LMBRD1: variants seen among roughly 807,000 people sequenced by gnomAD.
LMBRD1 encodes LMBR1 domain containing 1, also known as lysosomal cobalamin transport escort protein LMBD1.
In LMBRD1, 64 loss-of-function variants were observed where a neutral mutation model predicts 74.8. The ratio of observed to expected loss-of-function variants is 0.86; its 90% CI spans 0.70 to 1.05. The LOEUF is 1.05. Among genes scored for constraint, LMBRD1 ranks in the 50% least tolerant of loss-of-function variants. The pLI is 0.00. For missense variants in LMBRD1, 652 were observed against 645.9 expected (o/e 1.01, Z -0.10); for synonymous variants, 204 against 216.3 (o/e 0.94, Z 0.50).
intron 7 of LMBRD1, among the ~76,000 whole-genome samples, chr6:69,720,099 A>G (rs2061310): frequency 0.48 from 73,032 of 152,064 alleles, 18,223 homozygotes; most frequent in African/African-American, 0.61. Flanking sequence ...TCTTCACTAA[A>G]TCTCTTTTAT....
chr6:69,737,568 CTTATA>C (rs939480975), intron 7 of LMBRD1, among the ~76,000 whole-genome samples: 6 of 150,100 alleles, frequency 4.0e-5, no homozygotes, highest in Admixed American at 1.3e-4. Context: ...TATTAATATG[CTTATA>C]TTATATATTA....
chr6:69,789,587 A>G (rs1766035207), intron 2 of LMBRD1, among the ~76,000 whole-genome samples: 1 of 151,752 alleles, frequency 6.6e-6, no homozygotes. Context: ...TATTTACCTA[A>G]TTTAGCCCAA....
intron 8 of LMBRD1, among the ~76,000 whole-genome samples, chr6:69,717,121 T>C (rs1380058838): frequency 6.6e-6 from 1 of 152,050 alleles, no homozygotes; most frequent in Non-Finnish European, 1.5e-5. Context: ...TTGTGGCTAT[T>C]GTGAATGGGA....
rs148471719 is a variant in LMBRD1 at position 69,778,356 on chromosome 6, T to C, written c.307+2138A>G. ...TAAGGGCACATTATCCTTGAGTGGA[T>C]TGAGGACACACCATCTTTGGGAGGA... On this transcript the variant is annotated intron_variant, in intron 3 of 15. Coordinates refer to ENST00000649934, the MANE Select transcript of LMBRD1 (RefSeq NM_018368.4). Among the ~76,000 whole-genome samples, 10 of 152,336 alleles carry C rather than the reference T, an allele frequency of 6.6e-5. No individual in the cohort carries two copies. The East Asian group carries it at 7.7e-4, about 12-fold the overall frequency.
intron 14 of LMBRD1, among the ~76,000 whole-genome samples, chr6:69,678,118 T>C (rs1356308767): frequency 2.0e-5 from 3 of 152,154 alleles, no homozygotes; most frequent in African/African-American, 7.2e-5. Context: ...CTGGAGGCCT[T>C]ACTGATAACA....
chr6:69,752,236 G>T, intron 4 of LMBRD1, 23 bp downstream of exon 4: 1 of 1,599,106 alleles, frequency 6.3e-7, no homozygotes, highest in Non-Finnish European at 8.6e-7. Flanking sequence ...CTAAACTAAG[G>T]CCTCTAAAAT....
At chr6:69,790,640 C>A in intron 1 of LMBRD1, 168 bp from the exon 2 acceptor site, 1 of 659,254 alleles carries the variant, frequency 1.5e-6, no homozygotes, top group Non-Finnish European at 2.7e-6. Flanking sequence ...GTATAATTTT[C>A]AAAGCCTACT....
At chr6:69,732,883 T>C (rs902961521) in intron 7 of LMBRD1, among the ~76,000 whole-genome samples, 4 of 152,200 alleles carry the variant, frequency 2.6e-5, no homozygotes, top group Admixed American at 1.3e-4. Flanking sequence ...TATCCGTGCC[T>C]GTTAAGTTTT....
At chr6:69,730,965 G>A (rs927568234) in intron 7 of LMBRD1, among the ~76,000 whole-genome samples, 1 of 152,064 alleles carries the variant, frequency 6.6e-6, no homozygotes, top group Non-Finnish European at 1.5e-5. Flanking sequence ...CAGCTTCGAA[G>A]AAAATCCCAG....
intron 6 of LMBRD1, among the ~76,000 whole-genome samples, chr6:69,739,741 A>AT (rs1386616339): frequency 6.6e-6 from 1 of 152,214 alleles, no homozygotes; most frequent in Non-Finnish European, 1.5e-5. Context: ...CTTGACTGCA[A>AT]TCAGTTACAA....
chr6:69,706,656 A>G (rs1377273826), intron 9 of LMBRD1, among the ~76,000 whole-genome samples: 2 of 152,234 alleles, frequency 1.3e-5, no homozygotes, highest in East Asian at 3.9e-4. Flanking sequence ...ATCCACTTGA[A>G]ATGTTTTACC....
chr6:69,796,987 A>G lies in LMBRD1; in HGVS notation c.-106T>C. On this transcript the variant is annotated 5_prime_UTR_variant, in exon 1 of 16. Coordinates refer to ENST00000649934, the MANE Select transcript of LMBRD1 (RefSeq NM_018368.4). ...TGCACCCGCGCACCCTAAAGGTTAA[A>G]GGGGCGGAGGGGGAGGAGCAAGTGG... 1.1e-6 allele frequency: 1 copy of G among 941,570 alleles called. No homozygotes were observed. Among genetic ancestry groups the G allele is most frequent in the Non-Finnish European group, 1.7e-6 (1 of 602,772 alleles). 58.3% of individuals were successfully genotyped at this position (941,570 alleles called of 1,614,324 possible).
chr6:69,734,339 G>A (rs774613057), intron 7 of LMBRD1, among the ~76,000 whole-genome samples: 7 of 151,780 alleles, frequency 4.6e-5, no homozygotes, highest in African/African-American at 7.3e-5. Flanking sequence ...ATCACATAAC[G>A]TCATCAATGG....
chr6:69,696,306 G>C (rs1024038584), intron 14 of LMBRD1, among the ~76,000 whole-genome samples: 22 of 152,074 alleles, frequency 1.4e-4, no homozygotes, highest in Non-Finnish European at 2.9e-5. Flanking sequence ...GATTATTTTA[G>C]ATAGCTCTCC....
chr6:69,718,870 G>A, intron 8 of LMBRD1, 86 bp downstream of exon 8: 5 of 1,404,260 alleles, frequency 3.6e-6, no homozygotes, highest in Non-Finnish European at 5.0e-6. Flanking sequence ...AAAGTTATGG[G>A]GTTGACAATG....
rs137976868 is a variant in LMBRD1, at chr6:69,707,838, G to A, written c.915+5807C>T. On this transcript the variant is annotated intron_variant, in intron 9 of 15. Coordinates refer to ENST00000649934, the MANE Select transcript of LMBRD1 (RefSeq NM_018368.4). Reference sequence around the variant, plus strand: ...AATCACTAGGGAATGGAGAATTACCGTTTAATAAATACATTGTTTCCATTT... The same window carrying A: ...AATCACTAGGGAATGGAGAATTACCATTTAATAAATACATTGTTTCCATTT... Among the ~76,000 whole-genome samples, 15 of 152,114 alleles carry A rather than the reference G, an allele frequency of 9.9e-5. No individual in the cohort carries two copies. The East Asian group carries it at 1.2e-3, about 12-fold the overall frequency.
chr6:69,722,295 G>A (rs1766633168), intron 7 of LMBRD1, among the ~76,000 whole-genome samples: 1 of 152,132 alleles, frequency 6.6e-6, no homozygotes, highest in South Asian at 2.1e-4. Context: ...GCTAAAGGGA[G>A]TTCTTCAATC....
chr6:69,794,929 T>C (rs764036776), intron 1 of LMBRD1, among the ~76,000 whole-genome samples: 1 of 152,216 alleles, frequency 6.6e-6, no homozygotes, highest in East Asian at 1.9e-4. Flanking sequence ...ATGAATGAAA[T>C]GCTCATTGAT....
Position 69,691,952 on chromosome 6 carries a change from C to G in LMBRD1, c.1417+5611G>C, listed in dbSNP as rs1765892376. Among the ~76,000 whole-genome samples the G allele has an allele frequency of 2.0e-5, 3 of 151,090 alleles. 1 individual carries two copies. The South Asian group carries it at 6.3e-4, about 32-fold the overall frequency. ...ATAGAGACTGTATTTTGAATCACCT[C>G]TTGATGATGGCCTTTTTTACTCCAG... On this transcript the variant is annotated intron_variant, in intron 14 of 15. Coordinates refer to ENST00000649934, the MANE Select transcript of LMBRD1 (RefSeq NM_018368.4).
Sources: gnomAD v4.1 joint callset for allele counts (sites outside exome capture counted in the v4.1 genomes callset) on GRCh38, gnomAD v4.1.1 for gene constraint, MANE v1.5 for transcripts, NCBI Gene and HGNC (gene_info 2026-07-23, HGNC 2026-07-21) for gene names.